The following THADA variants were observed in gnomAD, a reference collection of about 807,000 sequenced individuals.
THADA encodes the protein THADA armadillo repeat containing.
A neutral mutation model predicts 219.8 loss-of-function variants in THADA; 213 were observed. That is an observed-to-expected ratio of 0.97 (90% confidence interval 0.87 to 1.09). THADA has a LOEUF of 1.09. Ranked by LOEUF, THADA falls within the 50% of genes least tolerant of loss-of-function variation. The pLI, the probability that THADA is intolerant of heterozygous loss-of-function variation, is 0.00. For synonymous variants in THADA, 1,018 were observed against 828.9 expected, an observed-to-expected ratio of 1.23 and a Z score of -3.92; for missense variants, 2,956 against 2,311.3, an observed-to-expected ratio of 1.28 and a Z score of -5.72.
intron 29 of THADA, among the ~76,000 whole-genome samples, chr2:43,356,091 A>T (rs1332570056): frequency 1.3e-5 from 2 of 152,196 alleles, no homozygotes; most frequent in South Asian, 4.1e-4. Context: ...AGAGAAATAG[A>T]GAACAGAAGG....
At chr2:43,532,381 C>CCAGCCTGG (rs200193629) in intron 21 of THADA, among the ~76,000 whole-genome samples, 2,919 of 146,036 alleles carry the variant, frequency 0.02, 40 homozygotes, top group African/African-American at 0.041. Context: ...CCACTGCACT[C>CCAGCCTGG]CAGCCTGGTC....
intron 22 of THADA, among the ~76,000 whole-genome samples, chr2:43,526,967 A>C (rs1417852752): frequency 1.3e-5 from 2 of 152,222 alleles, no homozygotes; most frequent in East Asian, 3.8e-4. Flanking sequence ...AAAGTTGAAA[A>C]GATAAAATAT....
intron 17 of THADA, among the ~76,000 whole-genome samples, chr2:43,554,061 G>A (rs901348183): frequency 6.6e-6 from 1 of 152,028 alleles, no homozygotes; most frequent in African/African-American, 2.4e-5. Context: ...CATTTTTCAG[G>A]CTTTTTCAAT....
intron 29 of THADA, among the ~76,000 whole-genome samples, chr2:43,388,568 T>A (rs1010167116): frequency 6.6e-6 from 1 of 152,158 alleles, no homozygotes; most frequent in Non-Finnish European, 1.5e-5. Flanking sequence ...AAGTTTCCAG[T>A]GGGATCTGAG....
chr2:43,476,758 A>C (rs1030201763), intron 26 of THADA, among the ~76,000 whole-genome samples: 2 of 152,186 alleles, frequency 1.3e-5, no homozygotes, highest in African/African-American at 4.8e-5. Flanking sequence ...ACAGTCATGC[A>C]AGTTAGGTAC....
intron 29 of THADA, among the ~76,000 whole-genome samples, chr2:43,381,049 G>A (rs2104654979): frequency 7.7e-6 from 1 of 130,374 alleles, no homozygotes; most frequent in Middle Eastern, 5.0e-3. Context: ...AGTGAGCCAA[G>A]ATCGTGCCAC....
chr2:43,306,341 G>A (rs1034184300), intron 31 of THADA, among the ~76,000 whole-genome samples: 8 of 152,116 alleles, frequency 5.3e-5, no homozygotes, highest in Non-Finnish European at 1.2e-4. Context: ...GAATTGGTCC[G>A]AAGAACAGGA....
intron 26 of THADA, among the ~76,000 whole-genome samples, chr2:43,477,213 G>C (rs774461649): frequency 2.2e-4 from 33 of 151,842 alleles, no homozygotes; most frequent in Admixed American, 5.9e-4. Flanking sequence ...CAAACTGTTG[G>C]ATGGAAAAAA....
At chr2:43,464,226 A>G (rs986934412) in intron 26 of THADA, among the ~76,000 whole-genome samples, 10 of 152,220 alleles carry the variant, frequency 6.6e-5, no homozygotes, top group Admixed American at 2.6e-4. Flanking sequence ...AGCAACTTCT[A>G]TAATAGTAGC....
chr2:43,352,923 T>C (rs1668445463), intron 29 of THADA, among the ~76,000 whole-genome samples: 1 of 152,196 alleles, frequency 6.6e-6, no homozygotes, highest in Non-Finnish European at 1.5e-5. Context: ...CCACTAACCA[T>C]GAGTTTATTC....
At chr2:43,446,234 G>C (rs975721477) in intron 26 of THADA, among the ~76,000 whole-genome samples, 3 of 152,202 alleles carry the variant, frequency 2.0e-5, no homozygotes, top group African/African-American at 4.8e-5. Context: ...GTTTCTGATA[G>C]ACTTTTTCCA....
At chr2:43,263,371 C>A (rs889872109) in intron 36 of THADA, among the ~76,000 whole-genome samples, 2 of 151,580 alleles carry the variant, frequency 1.3e-5, no homozygotes, top group African/African-American at 4.8e-5. Flanking sequence ...AGGATGCATA[C>A]AGAAATATAT....
chr2:43,575,363 T>C (rs71420056), intron 10 of THADA, among the ~76,000 whole-genome samples: 28,372 of 152,074 alleles, frequency 0.19, 2,844 homozygotes, highest in Middle Eastern at 0.25. Flanking sequence ...GGTGGGAGGA[T>C]TGCTTGAGCT....
intron 24 of THADA, among the ~76,000 whole-genome samples, chr2:43,503,618 T>C (rs1689295444): frequency 6.6e-6 from 1 of 152,082 alleles, no homozygotes. Context: ...CTGGAACTGG[T>C]TTCAAATATG....
chr2:43,436,312 T>C (rs1015019504), intron 26 of THADA, among the ~76,000 whole-genome samples: 11 of 152,142 alleles, frequency 7.2e-5, no homozygotes, highest in Admixed American at 2.0e-4. Flanking sequence ...GGAGGTACAA[T>C]GGGAGGAAGA....
chr2:43,304,918 C>T (rs1270755979), intron 31 of THADA, among the ~76,000 whole-genome samples: 1 of 152,134 alleles, frequency 6.6e-6, no homozygotes, highest in Non-Finnish European at 1.5e-5. Flanking sequence ...GTGATCCACC[C>T]ACCTCGGCCT....
intron 29 of THADA, among the ~76,000 whole-genome samples, chr2:43,376,344 T>C (rs1376882936): frequency 6.6e-6 from 1 of 152,220 alleles, no homozygotes; most frequent in Admixed American, 6.5e-5. Flanking sequence ...CTTCAAAAAA[T>C]GGTCTCCATT....
At chr2:43,263,260 T>C (rs948890177) in intron 36 of THADA, among the ~76,000 whole-genome samples, 2 of 152,114 alleles carry the variant, frequency 1.3e-5, no homozygotes, top group Non-Finnish European at 2.9e-5. Context: ...ATGGTTCCAG[T>C]TCCAAGTGAT....
At chr2:43,410,462 C>G (rs973009135) in intron 28 of THADA, among the ~76,000 whole-genome samples, 1 of 152,188 alleles carries the variant, frequency 6.6e-6, no homozygotes, top group African/African-American at 2.4e-5. Flanking sequence ...TTATTTGTTA[C>G]TAGTTGATGG....
Sources: gnomAD v4.1 joint callset for allele counts (sites outside exome capture counted in the v4.1 genomes callset) on GRCh38, gnomAD v4.1.1 for gene constraint, MANE v1.5 for transcripts, NCBI Gene and HGNC (gene_info 2026-07-23, HGNC 2026-07-21) for gene names.